Variants in SPPL3 observed in about 807,000 individuals in gnomAD.
SPPL3 encodes the protein signal peptide peptidase-like 3.
SPPL3 carries 5 observed loss-of-function variants against 42.4 expected under a neutral mutation model. The observed-to-expected ratio is 0.12, with a 90% confidence interval of 0.06 to 0.25. The LOEUF is 0.25. SPPL3 is among the 10% of genes least tolerant of loss of function. SPPL3 has a pLI of 1.00. For missense variants in SPPL3, 235 were observed against 489.0 expected (o/e 0.48, Z 4.90); for synonymous variants, 195 against 181.8 (o/e 1.07, Z -0.58).
At chr12:120,820,306 A>ATTTTTTTTTTTTTTT (rs11374486) in intron 1 of SPPL3, among the ~76,000 whole-genome samples, 15 of 100,998 alleles carry the variant, frequency 1.5e-4, no homozygotes, top group Admixed American at 2.4e-4. Flanking sequence ...CTTTCTCTAA[A>ATTTTTTTTTTTTTTT]TTTTTTTTTT....
At chr12:120,790,055 G>GT (rs1483613740) in intron 3 of SPPL3, among the ~76,000 whole-genome samples, 1 of 152,130 alleles carries the variant, frequency 6.6e-6, no homozygotes. Flanking sequence ...TTTAAAAAGA[G>GT]TTTCAGGAGT....
chr12:120,800,497 A>G (rs488172), intron 2 of SPPL3, among the ~76,000 whole-genome samples: 121,831 of 151,918 alleles, frequency 0.8, 49,534 homozygotes, highest in African/African-American at 0.93. Flanking sequence ...AATGAAACTC[A>G]GTCTCAAAAC....
At chr12:120,798,224 GTTT>G (rs35070630) in intron 2 of SPPL3, among the ~76,000 whole-genome samples, 1 of 151,906 alleles carries the variant, frequency 6.6e-6, no homozygotes, top group Admixed American at 6.6e-5. Flanking sequence ...TTTCCTGGGG[GTTT>G]TTTTATTTTA....
intron 1 of SPPL3, among the ~76,000 whole-genome samples, chr12:120,898,301 T>G (rs1290919206): frequency 1.0e-5 from 1 of 98,260 alleles, no homozygotes; most frequent in Non-Finnish European, 2.1e-5. Context: ...ACTCTGTTTT[T>G]TTTTTTTTTT....
chr12:120,842,245 C>A (rs766674242), intron 1 of SPPL3, among the ~76,000 whole-genome samples: 1 of 152,126 alleles, frequency 6.6e-6, no homozygotes, highest in Non-Finnish European at 1.5e-5. Flanking sequence ...TAAACATCCC[C>A]TGAAGGTGTA....
intron 2 of SPPL3, among the ~76,000 whole-genome samples, chr12:120,804,013 T>C (rs952095628): frequency 6.6e-6 from 1 of 152,184 alleles, no homozygotes; most frequent in Non-Finnish European, 1.5e-5. Context: ...ATCACAATCA[T>C]ATCAAGTATA....
chr12:120,892,932 A>C (rs2137067456), intron 1 of SPPL3, among the ~76,000 whole-genome samples: 1 of 143,086 alleles, frequency 7.0e-6, no homozygotes, highest in East Asian at 2.4e-4. Context: ...CAGTGAGCCG[A>C]GATGGTGCCA....
chr12:120,830,579 A>AGG (rs1491249839), intron 1 of SPPL3, among the ~76,000 whole-genome samples: 1 of 1,814 alleles, frequency 5.5e-4, no homozygotes, highest in Non-Finnish European at 2.8e-3. Flanking sequence ...GAGGGGGGGA[A>AGG]GGAGAGAGAG....
chr12:120,797,411 G>T (rs1367752241), intron 2 of SPPL3, among the ~76,000 whole-genome samples: 4 of 152,086 alleles, frequency 2.6e-5, no homozygotes, highest in Non-Finnish European at 4.4e-5. Context: ...AAGTATGACG[G>T]GAAAACTATT....
At chr12:120,836,549 C>T (rs1210339844) in intron 1 of SPPL3, among the ~76,000 whole-genome samples, 1 of 115,946 alleles carries the variant, frequency 8.6e-6, no homozygotes, top group African/African-American at 3.3e-5. Flanking sequence ...ACAAAACCAT[C>T]CCAACTGAGC....
chr12:120,787,911 C>T (rs1320181874), intron 3 of SPPL3, among the ~76,000 whole-genome samples: 1 of 152,158 alleles, frequency 6.6e-6, no homozygotes, highest in Non-Finnish European at 1.5e-5. Context: ...TTTATCCATT[C>T]TACGGTTGAC....
chr12:120,887,108 C>T (rs1189758555), intron 1 of SPPL3, among the ~76,000 whole-genome samples: 2 of 151,916 alleles, frequency 1.3e-5, no homozygotes, highest in African/African-American at 4.8e-5. Flanking sequence ...CACCATCACG[C>T]CCGGCTAATT....
chr12:120,826,292 CAAAAAA>C (rs11341939), intron 1 of SPPL3, among the ~76,000 whole-genome samples: 1 of 118,638 alleles, frequency 8.4e-6, no homozygotes, highest in African/African-American at 3.2e-5. Context: ...AAACTGTCTC[CAAAAAA>C]AAAAAAAAAA....
chr12:120,788,947 G>A (rs966888286), intron 3 of SPPL3, among the ~76,000 whole-genome samples: 18 of 152,106 alleles, frequency 1.2e-4, no homozygotes, highest in African/African-American at 4.3e-4. Flanking sequence ...TGTTTTCCAT[G>A]TCATCCTTTC....
At chr12:120,899,620 G>A (rs916536502) in intron 1 of SPPL3, among the ~76,000 whole-genome samples, 1 of 152,138 alleles carries the variant, frequency 6.6e-6, no homozygotes, top group Non-Finnish European at 1.5e-5. Flanking sequence ...GCCGGGCACA[G>A]TGGCTCACAC....
intron 2 of SPPL3, among the ~76,000 whole-genome samples, chr12:120,804,709 A>AG (rs145791734): frequency 0.025 from 3,738 of 152,280 alleles, 73 homozygotes; most frequent in Middle Eastern, 0.051. Flanking sequence ...GTTAAGACTA[A>AG]GAGTTACCAT....
intron 3 of SPPL3, 61 bp downstream of exon 3, chr12:120,791,408 T>C (rs112563251): frequency 5.7e-5 from 70 of 1,223,784 alleles, no homozygotes; most frequent in African/African-American, 4.9e-4. Context: ...ACTGGAGGTA[T>C]AGAAACAGCC....
intron 1 of SPPL3, among the ~76,000 whole-genome samples, chr12:120,896,189 T>C (rs1160207164): frequency 1.3e-5 from 2 of 152,134 alleles, no homozygotes; most frequent in Non-Finnish European, 2.9e-5. Flanking sequence ...GCATACTCCT[T>C]AGTCTAATAC....
chr12:120,853,572 C>T (rs1456609894), intron 1 of SPPL3, among the ~76,000 whole-genome samples: 1 of 152,142 alleles, frequency 6.6e-6, no homozygotes, highest in African/African-American at 2.4e-5. Context: ...CACCAAAGCA[C>T]ATGGAAAGGA....
Sources: gnomAD v4.1 joint callset for allele counts (sites outside exome capture counted in the v4.1 genomes callset) on GRCh38, gnomAD v4.1.1 for gene constraint, MANE v1.5 for transcripts, NCBI Gene and HGNC (gene_info 2026-07-23, HGNC 2026-07-21) for gene names.